Variants in SRCIN1 observed in about 807,000 individuals in gnomAD.
SRCIN1 encodes the protein P130Cas-associated protein.
SRCIN1 carries 50 observed loss-of-function variants against 116.2 expected under a neutral mutation model. The ratio of observed to expected loss-of-function variants is 0.43; its 90% CI spans 0.34 to 0.54. The LOEUF (loss-of-function observed/expected upper bound fraction) is 0.54, where lower values mean the gene tolerates loss of function less well. Among genes scored for constraint, SRCIN1 ranks in the 20% least tolerant of loss-of-function variants. The probability of loss-of-function intolerance (pLI) is 0.02; values close to 1 mark genes in which losing one functional copy is unlikely to be tolerated. For missense variants in SRCIN1, 1,446 were observed against 1,672.0 expected (o/e 0.86, Z 2.36); for synonymous variants, 736 against 750.0 (o/e 0.98, Z 0.30).
chr17:38,571,961 G>A (rs973877817), intron 2 of SRCIN1, among the ~76,000 whole-genome samples: 3 of 152,242 alleles, frequency 2.0e-5, no homozygotes, highest in Middle Eastern at 3.4e-3. Context: ...TCCCCCCCTC[G>A]GCCCTCATGC....
intron 1 of SRCIN1, among the ~76,000 whole-genome samples, chr17:38,600,209 T>G (rs966746193): frequency 3.3e-5 from 5 of 152,222 alleles, no homozygotes; most frequent in Non-Finnish European, 7.3e-5. Flanking sequence ...ACTCTTCTCA[T>G]GACTCAGTGG....
intron 1 of SRCIN1, among the ~76,000 whole-genome samples, chr17:38,584,346 T>C (rs377665457): frequency 2.6e-5 from 4 of 152,310 alleles, no homozygotes; most frequent in African/African-American, 9.6e-5. Flanking sequence ...GCTGACTATA[T>C]TTTTTGAGTC....
chr17:38,569,849 C>T (rs1362069400), intron 2 of SRCIN1, among the ~76,000 whole-genome samples: 2 of 152,042 alleles, frequency 1.3e-5, no homozygotes, highest in Non-Finnish European at 2.9e-5. Context: ...CAGGCTCCAG[C>T]GGCAGCTGAC....
In SRCIN1 at chr17:38,562,213, G is replaced by C; in HGVS notation, c.950C>G (p.Pro317Arg). The C allele has an allele frequency of 2.8e-6, 4 of 1,433,274 alleles. No individual in the cohort carries two copies. Among genetic ancestry groups the C allele is most frequent in the Non-Finnish European group, 3.6e-6 (4 of 1,103,352 alleles). The allele number at this position is 1,433,274 out of a possible 1,614,324, so 88.8% of individuals were successfully genotyped here. Residue 317 changes from proline (P) to arginine (R), a missense_variant, in exon 7 of 19, where the codon CCG becomes CGG. Coordinates refer to ENST00000617146, the MANE Select transcript of SRCIN1 (RefSeq NM_025248.3). This position sits in a 1 kb window ranked among gnomAD's most constrained non-coding sequence, Gnocchi z 4.2. ...CGGCGAACCGGACTGCAGCCCGGAC[G>C]GCAGCCCCGACGGCAGCCCGGGCGG... ...SPPPGLPSGL[P>R]SGLQSGSPSR...
intron 1 of SRCIN1, among the ~76,000 whole-genome samples, chr17:38,579,890 C>G (rs1452170666): frequency 6.6e-6 from 1 of 152,172 alleles, no homozygotes; most frequent in Non-Finnish European, 1.5e-5. Flanking sequence ...AGCCATATTC[C>G]TGGGCATAAA....
intron 11 of SRCIN1, among the ~76,000 whole-genome samples, chr17:38,557,931 G>A (rs1025685325): frequency 1.3e-5 from 2 of 152,208 alleles, no homozygotes; most frequent in African/African-American, 4.8e-5. Flanking sequence ...TCAGGCAGCT[G>A]GCCACATGAC....
At position 38,585,105 on chromosome 17, in the gene SRCIN1, G is replaced by A. The variant is rs769325061; in HGVS notation, c.23-6314C>T. ...CCGACCCACTGCCTGGGCAGGGGTA[G>A]GAGCTGGGTTATAGCCCTGGCAGGA... On this transcript the variant is annotated intron_variant, in intron 1 of 18. Coordinates refer to ENST00000617146, the MANE Select transcript of SRCIN1 (RefSeq NM_025248.3). The surrounding 1 kb of genome is among the most constrained non-coding windows in gnomAD (Gnocchi z 4.2). 1.3e-5 allele frequency among the ~76,000 whole-genome samples: 2 copies of A among 152,224 alleles called. No individual in the cohort carries two copies. The highest frequency in any genetic ancestry group is 2.9e-5 in the Non-Finnish European group (2 of 68,042).
chr17:38,592,974 T>C (rs1008786609), intron 1 of SRCIN1, among the ~76,000 whole-genome samples: 11 of 152,064 alleles, frequency 7.2e-5, no homozygotes, highest in Admixed American at 5.9e-4. Context: ...TTCCCTATCA[T>C]CCTCATGCAT....
chr17:38,533,111 AACAAAAC>A lies in SRCIN1; in HGVS notation c.*179_*185del. 1 of 483,144 alleles carries A rather than the reference AACAAAAC, an allele frequency of 2.1e-6. No homozygotes were observed. The highest frequency in any genetic ancestry group is 3.1e-6 in the Non-Finnish European group (1 of 317,882). The allele number at this position is 483,144 out of a possible 1,614,324, so 29.9% of individuals were successfully genotyped here. A position where few individuals can be genotyped will look rare whatever the true frequency, so the allele number is the denominator to read the frequency against. ...GTTAATTGTTAAAAAAAAAAAAAAAAACAAAACCAAAAACACCAACAGATGATGGGTA... is the reference window on the plus strand; with the variant it reads ...GTTAATTGTTAAAAAAAAAAAAAAAACAAAAACACCAACAGATGATGGGTA... On this transcript the variant is annotated 3_prime_UTR_variant, in exon 19 of 19. Transcript: ENST00000617146.
rs891958357 is a variant in SRCIN1 at position 38,558,855 on chromosome 17, C to T, written c.2026-453G>A. On this transcript the variant is annotated intron_variant, in intron 10 of 18. Transcript: ENST00000617146. The surrounding 1 kb of genome is among the most constrained non-coding windows in gnomAD (Gnocchi z 4.6). ...CGACAGTGCGGCCGCATGGCTATGG[C>T]TTCCATCATCCCGGAATGGGGACGG... 6.6e-6 allele frequency among the ~76,000 whole-genome samples: 1 copy of T among 152,194 alleles called. No individual in the cohort carries two copies. The highest frequency in any genetic ancestry group is 1.5e-5 in the Non-Finnish European group (1 of 68,028).
chr17:38,557,725 T>C (rs916051391), intron 11 of SRCIN1, among the ~76,000 whole-genome samples: 2 of 152,250 alleles, frequency 1.3e-5, no homozygotes, highest in Non-Finnish European at 2.9e-5. Context: ...CTGTTCCAGC[T>C]GCACTAGGAA....
chr17:38,542,683 G>T (rs936560732), intron 18 of SRCIN1: 72 of 159,548 alleles, frequency 4.5e-4, no homozygotes, highest in Non-Finnish European at 6.5e-4. Context: ...CAGGGCCTTG[G>T]GTGCCCAGGG....
chr17:38,541,083 C>T (rs1035867019), intron 18 of SRCIN1, among the ~76,000 whole-genome samples: 1 of 151,520 alleles, frequency 6.6e-6, no homozygotes, highest in Non-Finnish European at 1.5e-5. Flanking sequence ...ACTAAAAATG[C>T]AAAAATTTAG....
intron 18 of SRCIN1, among the ~76,000 whole-genome samples, chr17:38,538,434 T>A (rs2036799): frequency 0.28 from 35,932 of 129,872 alleles, 5,261 homozygotes; most frequent in Non-Finnish European, 0.31. Flanking sequence ...AAAAAAAAAA[T>A]AATAATAATA....
At chr17:38,547,225 C>T (rs1905125940) in intron 17 of SRCIN1, among the ~76,000 whole-genome samples, 1 of 152,206 alleles carries the variant, frequency 6.6e-6, no homozygotes, top group South Asian at 2.1e-4. Flanking sequence ...ACGAGCCTAC[C>T]CCTGTGGTGT....
intron 1 of SRCIN1, among the ~76,000 whole-genome samples, chr17:38,583,957 C>G (rs918692712): frequency 1.3e-5 from 2 of 151,936 alleles, no homozygotes; most frequent in Non-Finnish European, 2.9e-5. Context: ...AGCAAGTCCT[C>G]GGAGTGGCCC....
At chr17:38,593,990 G>A (rs538130997) in intron 1 of SRCIN1, among the ~76,000 whole-genome samples, 2 of 152,372 alleles carry the variant, frequency 1.3e-5, no homozygotes, top group African/African-American at 4.8e-5. Flanking sequence ...GAGGCAGAAA[G>A]TAAGTCTTGT....
At chr17:38,573,977 T>C (rs142025020) in intron 2 of SRCIN1, among the ~76,000 whole-genome samples, 1 of 152,246 alleles carries the variant, frequency 6.6e-6, no homozygotes, top group African/African-American at 2.4e-5. Context: ...ATCCTCCCTC[T>C]GAAGGCCTGT....
intron 15 of SRCIN1, among the ~76,000 whole-genome samples, chr17:38,549,727 C>A (rs1286604941): frequency 2.0e-5 from 3 of 152,216 alleles, no homozygotes; most frequent in Non-Finnish European, 4.4e-5. Context: ...AGAGAGGTCA[C>A]TCTAGCCATT....
Sources: allele counts gnomAD v4.1 joint callset (sites outside exome capture counted in the v4.1 genomes callset), GRCh38; gene constraint gnomAD v4.1.1; non-coding constraint Gnocchi (gnomAD v3.1); transcripts MANE v1.5; gene names NCBI Gene and HGNC (gene_info 2026-07-23, HGNC 2026-07-21).